ZNF578: variants seen among roughly 807,000 people sequenced by gnomAD.
ZNF578 encodes the protein zinc finger protein 578.
In ZNF578, 8 loss-of-function variants were observed where a neutral mutation model predicts 8.3. The ratio of observed to expected loss-of-function variants is 0.96; its 90% CI spans 0.56 to 1.74. ZNF578 has a LOEUF of 1.74. Ranked by LOEUF, ZNF578 falls within the 40% of genes most tolerant of loss-of-function variation. ZNF578 has a pLI of 0.00. For missense variants in ZNF578, 726 were observed against 707.5 expected (o/e 1.03, Z -0.30); for synonymous variants, 206 against 232.2 (o/e 0.89, Z 1.03).
intron 5 of ZNF578, among the ~76,000 whole-genome samples, chr19:52,509,278 G>C (rs1453192321): frequency 6.6e-6 from 1 of 152,040 alleles, no homozygotes. Context: ...ATCTTAACAT[G>C]TATTTCAGTT....
chr19:52,482,169 G>C (rs1427341753), intron 2 of ZNF578, among the ~76,000 whole-genome samples: 1 of 152,162 alleles, frequency 6.6e-6, no homozygotes, highest in Non-Finnish European at 1.5e-5. Flanking sequence ...GAGTAGCTGG[G>C]ATTACAGGCA....
Position 52,512,402 on chromosome 19 carries a change from G to A in ZNF578, c.*248G>A. On this transcript the variant is annotated 3_prime_UTR_variant, in exon 6 of 6. Coordinates refer to ENST00000421239, the MANE Select transcript of ZNF578 (RefSeq NM_001099694.2). Reference sequence around the variant, plus strand: ...GCTACAACGATTGCAAATCATTGGAGAATCCATAATGAAGAGAGATCTTCC... The same window carrying A: ...GCTACAACGATTGCAAATCATTGGAAAATCCATAATGAAGAGAGATCTTCC... 2 of 1,469,630 alleles carry A rather than the reference G, an allele frequency of 1.4e-6. No individual in the cohort carries two copies. The highest frequency in any genetic ancestry group is 1.9e-6 in the Non-Finnish European group (2 of 1,051,530). The allele number at this position is 1,469,630 out of a possible 1,614,324, so 91.0% of individuals were successfully genotyped here.
intron 3 of ZNF578, among the ~76,000 whole-genome samples, chr19:52,497,326 G>T (rs1159421789): frequency 6.6e-6 from 1 of 152,108 alleles, no homozygotes; most frequent in Non-Finnish European, 1.5e-5. Context: ...TCAAACTCCT[G>T]ACTTCATGAT....
chr19:52,459,636 C>CAA (rs1568453988), intron 2 of ZNF578, among the ~76,000 whole-genome samples: 1 of 138,858 alleles, frequency 7.2e-6, no homozygotes, highest in East Asian at 2.3e-4. Context: ...CACACACACA[C>CAA]ACACACACAC....
chr19:52,491,815 G>A (rs2059365988), intron 3 of ZNF578, among the ~76,000 whole-genome samples: 1 of 152,060 alleles, frequency 6.6e-6, no homozygotes, highest in Non-Finnish European at 1.5e-5. Context: ...AAAGAATAAT[G>A]TTGGATCCCT....
Position 52,515,859 on chromosome 19 carries a change from A to G in ZNF578, c.*3705A>G, listed in dbSNP as rs932956680. On this transcript the variant is annotated 3_prime_UTR_variant, in exon 6 of 6. Coordinates refer to ENST00000421239, the MANE Select transcript of ZNF578 (RefSeq NM_001099694.2). ...AGACTCAGACACAGAGACCATCTTC[A>G]AGGCCTTTCTCTGTATGAGGACATC... 2.6e-5 allele frequency among the ~76,000 whole-genome samples: 4 copies of G among 152,092 alleles called. 1 individual carries two copies. The highest frequency in any genetic ancestry group is 7.2e-5 in the African/African-American group (3 of 41,394).
At chr19:52,506,419 T>C (rs2122967455) in intron 5 of ZNF578, among the ~76,000 whole-genome samples, 1 of 149,706 alleles carries the variant, frequency 6.7e-6, no homozygotes, top group South Asian at 2.2e-4. Flanking sequence ...GAGACCAGCC[T>C]GGCCAACATG....
intron 2 of ZNF578, among the ~76,000 whole-genome samples, chr19:52,489,915 C>G (rs1471038076): frequency 1.3e-5 from 2 of 152,148 alleles, no homozygotes; most frequent in African/African-American, 4.8e-5. Context: ...CTCGGCCTCC[C>G]AAAGTGCTGG....
At chr19:52,502,103 G>A (rs1343190940) in intron 4 of ZNF578, among the ~76,000 whole-genome samples, 195 bp downstream of exon 4, 3 of 152,128 alleles carry the variant, frequency 2.0e-5, no homozygotes, top group Non-Finnish European at 4.4e-5. Flanking sequence ...TCCATCTCCT[G>A]TGACCCAGTG....
At position 52,512,272 on chromosome 19, in the gene ZNF578, T is replaced by A; in HGVS notation, c.*118T>A. 1.3e-6 allele frequency: 2 copies of A among 1,593,152 alleles called. No homozygotes were observed. The highest frequency in any genetic ancestry group is 1.7e-6 in the Non-Finnish European group (2 of 1,161,204). On this transcript the variant is annotated 3_prime_UTR_variant, in exon 6 of 6. Coordinates refer to ENST00000421239, the MANE Select transcript of ZNF578 (RefSeq NM_001099694.2). ...CTGGAGAGAAACCTTACAAGTGTAA[T>A]GAGTGTGGCAAAGCCTTTAGTGACC...
intron 3 of ZNF578, among the ~76,000 whole-genome samples, chr19:52,498,308 C>G (rs1314595661): frequency 5.4e-5 from 8 of 148,828 alleles, no homozygotes; most frequent in Non-Finnish European, 1.0e-4. Flanking sequence ...AGGTGCCCAC[C>G]ACCACGCCTG....
At chr19:52,483,406 A>G (rs1480999055) in intron 2 of ZNF578, among the ~76,000 whole-genome samples, 2 of 152,086 alleles carry the variant, frequency 1.3e-5, no homozygotes, top group African/African-American at 4.8e-5. Flanking sequence ...CAAGAGGGAA[A>G]CTCCGTCTCA....
rs2059446082 is a variant in ZNF578 at position 52,511,449 on chromosome 19, A to G, written c.1068A>G (p.Ser356=). ...GTGGAAAGTCCTTCAGTTACAAGTC[A>G]TCCCTTAGATGCCATCGTAGACTTC... The part of the protein sequence containing the change: ...NECGKSFSYK[S]SLRCHRRLHT... The change falls in exon 6 of 6, where the codon TCA becomes TCG. Residue 356 remains serine, a synonymous_variant. Coordinates refer to ENST00000421239, the MANE Select transcript of ZNF578 (RefSeq NM_001099694.2). The G allele has an allele frequency of 6.2e-7, 1 of 1,614,210 alleles. No homozygotes were observed. Among genetic ancestry groups the G allele is most frequent in the Non-Finnish European group, 8.5e-7 (1 of 1,180,028 alleles).
chr19:52,493,433 C>T (rs2059373813), intron 3 of ZNF578, among the ~76,000 whole-genome samples: 1 of 152,128 alleles, frequency 6.6e-6, no homozygotes, highest in African/African-American at 2.4e-5. Flanking sequence ...TCTTGCCTGC[C>T]CAGTTCCACC....
At chr19:52,497,190 C>G (rs949594231) in intron 3 of ZNF578, among the ~76,000 whole-genome samples, 1 of 152,112 alleles carries the variant, frequency 6.6e-6, no homozygotes, top group African/African-American at 2.4e-5. Flanking sequence ...ACCTCCGCCT[C>G]CCAGGGTCAA....
At chr19:52,469,465 G>T (rs1599885466) in intron 2 of ZNF578, among the ~76,000 whole-genome samples, 1 of 152,196 alleles carries the variant, frequency 6.6e-6, no homozygotes, top group East Asian at 1.9e-4. Context: ...CAGCCTAGAG[G>T]AACAAAATTT....
At chr19:52,499,040 A>G (rs955417355) in intron 3 of ZNF578, among the ~76,000 whole-genome samples, 13 of 152,156 alleles carry the variant, frequency 8.5e-5, no homozygotes, top group Non-Finnish European at 1.6e-4. Context: ...CTTTCAGGCC[A>G]TCACATTGGA....
chr19:52,496,311 CG>C, intron 3 of ZNF578, among the ~76,000 whole-genome samples: 1 of 136,750 alleles, frequency 7.3e-6, no homozygotes, highest in Admixed American at 7.6e-5. Flanking sequence ...CCACCACGCT[CG>C]GCCTCATTTG....
rs879002398 is a variant in ZNF578, at chr19:52,511,674, C to G, written c.1293C>G (p.Asp431Glu). 2 of 1,612,012 alleles carry G rather than the reference C, an allele frequency of 1.2e-6. No homozygotes were observed. Among genetic ancestry groups the G allele is most frequent in the East Asian group, 2.2e-5 (1 of 44,668 alleles). ...GAGAGAAACCTTACAAGTGTAATGA[C>G]TGTGGTAAGGCTTTTATTCATCAGT... ...HTGEKPYKCN[D>E]CGKAFIHQSS... The change falls in exon 6 of 6, where the codon GAC becomes GAG. Residue 431 changes from aspartate to glutamate, a missense_variant. By Grantham distance (45) the Asp-to-Glu change is conservative. Transcript: ENST00000421239.
Sources: allele counts gnomAD v4.1 joint callset (sites outside exome capture counted in the v4.1 genomes callset), GRCh38; gene constraint gnomAD v4.1.1; transcripts MANE v1.5; gene names NCBI Gene and HGNC (gene_info 2026-07-23, HGNC 2026-07-21).